The following COX7A2L variants were observed in gnomAD, a reference collection of about 807,000 sequenced individuals.
COX7A2L encodes cytochrome c oxidase subunit 7A2 like.
A neutral mutation model predicts 14.2 loss-of-function variants in COX7A2L; 18 were observed. That is an observed-to-expected ratio of 1.27 (90% CI 0.88 to 1.88). The LOEUF (loss-of-function observed/expected upper bound fraction) is 1.88, where lower values mean the gene tolerates loss of function less well. Ranked by LOEUF, COX7A2L falls within the 40% of genes most tolerant of loss-of-function variation. The pLI, the probability that COX7A2L is intolerant of heterozygous loss-of-function variation, is 0.00. For synonymous variants in COX7A2L, 65 were observed against 57.4 expected (o/e 1.13, Z -0.60); for missense variants, 179 against 138.8 (o/e 1.29, Z -1.46).
At chr2:42,356,105 G>T (rs1670811292) in intron 1 of COX7A2L, among the ~76,000 whole-genome samples, 1 of 152,046 alleles carries the variant, frequency 6.6e-6, no homozygotes, top group South Asian at 2.1e-4. Context: ...TCCTGGCTCA[G>T]GAGCTATCCT....
At chr2:42,364,639 T>C (rs1230435801), upstream of COX7A2L, among the ~76,000 whole-genome samples, 2 of 152,196 alleles carry the variant, frequency 1.3e-5, no homozygotes, top group Non-Finnish European at 2.9e-5. Flanking sequence ...TCTCTTACTG[T>C]TTTTGTCAAA....
intron 1 of COX7A2L, among the ~76,000 whole-genome samples, chr2:42,358,721 T>A (rs2103906682): frequency 6.6e-6 from 1 of 152,352 alleles, no homozygotes; most frequent in South Asian, 2.1e-4. Context: ...TATATCAAAC[T>A]CATCGCAAGG....
upstream of COX7A2L, among the ~76,000 whole-genome samples, chr2:42,364,517 A>G (rs1025924543): frequency 6.6e-6 from 1 of 152,204 alleles, no homozygotes; most frequent in Non-Finnish European, 1.5e-5. Context: ...CATCCCCAGT[A>G]AAATACTGGA....
intron 1 of COX7A2L, 62 bp downstream of exon 1, chr2:42,361,028 G>A (rs765820609): frequency 1.3e-6 from 2 of 1,577,074 alleles, no homozygotes; most frequent in South Asian, 1.1e-5. Flanking sequence ...CGCCGCGACT[G>A]CCTGTCGCCG....
intron 1 of COX7A2L, 32 bp downstream of exon 1, chr2:42,361,058 T>C: frequency 1.9e-6 from 3 of 1,610,402 alleles, no homozygotes; most frequent in Non-Finnish European, 2.5e-6. Context: ...CCGCCACTTC[T>C]CATGTCCGAG....
At chr2:42,358,089 G>A (rs771399114) in intron 1 of COX7A2L, among the ~76,000 whole-genome samples, 1 of 152,102 alleles carries the variant, frequency 6.6e-6, no homozygotes, top group Non-Finnish European at 1.5e-5. Flanking sequence ...AAGTGGCTGC[G>A]TCATTTTACC....
chr2:42,359,918 TCTCA>T (rs1379788238), intron 1 of COX7A2L: 1 of 151,098 alleles, frequency 6.6e-6, no homozygotes, highest in Non-Finnish European at 1.5e-5. Flanking sequence ...AGAGACAGGG[TCTCA>T]CTATGTTGCC....
chr2:42,353,952 G>A (rs1265840326), intron 1 of COX7A2L, among the ~76,000 whole-genome samples: 2 of 152,168 alleles, frequency 1.3e-5, no homozygotes, highest in Non-Finnish European at 2.9e-5. Context: ...ACACGGATAA[G>A]CCTCTAAAAC....
chr2:42,353,254 A>G lies in COX7A2L; in HGVS notation c.162T>C (p.Tyr54=). ...GCTCTGGAACTTTGTTTTTCCCAGC[A>G]TAATCATACACTGTGGAATCGGAGG... The part of the protein sequence containing the change: ...KLTSDSTVYD[Y]AGKNKVPELQ... Residue 54 remains tyrosine (Y), a synonymous_variant, in exon 2 of 3, where the codon TAT becomes TAC. Coordinates refer to ENST00000234301, the MANE Select transcript of COX7A2L (RefSeq NM_004718.4). The G allele has an allele frequency of 6.2e-7, 1 of 1,614,192 alleles. No homozygotes were observed. The highest frequency in any genetic ancestry group is 8.5e-7 in the Non-Finnish European group (1 of 1,180,034).
At chr2:42,356,557 C>CT (rs1235423718) in intron 1 of COX7A2L, among the ~76,000 whole-genome samples, 1 of 152,220 alleles carries the variant, frequency 6.6e-6, no homozygotes, top group Non-Finnish European at 1.5e-5. Flanking sequence ...GAAACAAAGT[C>CT]TGATCAACTG....
chr2:42,366,459 T>G (rs1316551567), intron 1 of COX7A2L, among the ~76,000 whole-genome samples: 1 of 152,168 alleles, frequency 6.6e-6, no homozygotes, highest in Non-Finnish European at 1.5e-5. Context: ...TGCTAGCCAT[T>G]GAAGGTCAGG....
chr2:42,337,857 G>A (rs1409685501), intron 2 of COX7A2L, among the ~76,000 whole-genome samples: 2 of 152,190 alleles, frequency 1.3e-5, no homozygotes, highest in Non-Finnish European at 2.9e-5. Context: ...CTGCACGTGT[G>A]CACCTGCAGT....
chr2:42,341,440 C>T (rs953249588), intron 2 of COX7A2L, among the ~76,000 whole-genome samples: 1 of 152,200 alleles, frequency 6.6e-6, no homozygotes, highest in Non-Finnish European at 1.5e-5. Flanking sequence ...GGCTGGGCGG[C>T]CTACCTTAAA....
In COX7A2L at chr2:42,351,342, G is replaced by C. The variant is rs373859176; in HGVS notation, c.222C>G (p.Pro74=). ...CAGGCAGGCCTCGTTTCAGGTAGACGGGCACACCATCAGCTTTCTTGAAAG... is the reference window on the plus strand; with the variant it reads ...CAGGCAGGCCTCGTTTCAGGTAGACCGGCACACCATCAGCTTTCTTGAAAG... ...QKFFQKADGV[P]VYLKRGLPDQ... Residue 74 remains proline (P), a synonymous_variant, in exon 3 of 3, where the codon CCC becomes CCG. Coordinates refer to ENST00000234301, the MANE Select transcript of COX7A2L (RefSeq NM_004718.4). 6.2e-7 allele frequency: 1 copy of C among 1,613,954 alleles called. No individual in the cohort carries two copies. The highest frequency in any genetic ancestry group is 8.5e-7 in the Non-Finnish European group (1 of 1,179,958).
intron 1 of COX7A2L, among the ~76,000 whole-genome samples, chr2:42,367,450 G>A (rs551092622): frequency 6.6e-6 from 1 of 152,272 alleles, no homozygotes; most frequent in Admixed American, 6.5e-5. Flanking sequence ...CCGAGAAATG[G>A]ACAGGTCTGT....
chr2:42,361,270 G>A, upstream of COX7A2L: 1 of 995,264 alleles, frequency 1.0e-6, no homozygotes, highest in Non-Finnish European at 1.5e-6. Context: ...CCCGGTGCTG[G>A]GACTAGGGCT....
At position 42,350,949 on chromosome 2, in the gene COX7A2L, G is replaced by A. The variant is rs895150201; in HGVS notation, c.*270C>T. 3 of 300,244 alleles carry A rather than the reference G, an allele frequency of 1.0e-5. No homozygotes were observed. The highest frequency in any genetic ancestry group is 6.5e-5 in the African/African-American group (3 of 45,946). 18.6% of individuals were successfully genotyped at this position (300,244 alleles called of 1,614,324 possible). ...CACAGACTGACATTAACAAGCCTGT[G>A]TTCAGCCTTCATCCAGAACCTCCAG... is the stretch of plus-strand genomic sequence containing the variant. On this transcript the variant is annotated 3_prime_UTR_variant, in exon 3 of 3. Transcript: ENST00000234301.
At chr2:42,352,942 A>G in intron 2 of COX7A2L, 2 of 498,186 alleles carry the variant, frequency 4.0e-6, no homozygotes, top group Non-Finnish European at 6.9e-6. Context: ...TGCTTCTTCC[A>G]TGCAATAAAT....
chr2:42,366,403 G>A (rs1364066793), intron 1 of COX7A2L, among the ~76,000 whole-genome samples: 1 of 152,222 alleles, frequency 6.6e-6, no homozygotes, highest in Non-Finnish European at 1.5e-5. Context: ...CAGCCTGGGT[G>A]ACAGAATGAG....
Sources: gnomAD v4.1 joint callset for allele counts (sites outside exome capture counted in the v4.1 genomes callset) on GRCh38, gnomAD v4.1.1 for gene constraint, MANE v1.5 for transcripts, NCBI Gene and HGNC (gene_info 2026-07-23, HGNC 2026-07-21) for gene names.